The following RGS13 variants were observed in gnomAD, a reference collection of about 807,000 sequenced individuals.
The protein encoded by RGS13 is regulator of G protein signaling 13, also known as regulator of G-protein signalling 13.
In RGS13, 14 loss-of-function variants were observed where a neutral mutation model predicts 19.9. That is an observed-to-expected ratio of 0.70 (90% CI 0.46 to 1.10). The LOEUF (loss-of-function observed/expected upper bound fraction) is 1.10, where lower values mean the gene tolerates loss of function less well. RGS13 is among the 50% of genes least tolerant of loss of function. The pLI, the probability that RGS13 is intolerant of heterozygous loss-of-function variation, is 0.00. For missense variants in RGS13, 205 were observed against 187.1 expected (o/e 1.10, Z -0.56); for synonymous variants, 60 against 56.8 (o/e 1.06, Z -0.25).
At chr1:192,659,231 C>A in intron 6 of RGS13, 107 bp from the exon 7 acceptor site, 1 of 669,528 alleles carries the variant, frequency 1.5e-6, no homozygotes, top group South Asian at 2.9e-5. Flanking sequence ...GAAAATTACC[C>A]TATTCCACTG....
intron 5 of RGS13, among the ~76,000 whole-genome samples, chr1:192,651,936 CT>C (rs1289254562): frequency 1.3e-5 from 2 of 152,032 alleles, no homozygotes; most frequent in African/African-American, 4.8e-5. Flanking sequence ...TGTTGAGTGT[CT>C]GTTTAAAATC....
At chr1:192,645,916 A>G (rs1663212728) in intron 4 of RGS13, 1 of 152,100 alleles carries the variant, frequency 6.6e-6, no homozygotes, top group African/African-American at 2.4e-5. Flanking sequence ...CTAACCCAAC[A>G]CATTGATGAC....
intron 3 of RGS13, among the ~76,000 whole-genome samples, chr1:192,642,595 G>A (rs1191913136): frequency 6.6e-6 from 1 of 151,766 alleles, no homozygotes; most frequent in East Asian, 1.9e-4. Context: ...GCAAAGTGTT[G>A]GGATTATAGG....
intron 6 of RGS13, 190 bp downstream of exon 6, chr1:192,658,557 C>T (rs1193906080): frequency 8.6e-6 from 4 of 464,758 alleles, no homozygotes; most frequent in South Asian, 1.1e-4. Context: ...TGTCACACAG[C>T]CATTAAGTGG....
At chr1:192,654,498 T>C (rs1269158261) in intron 5 of RGS13, among the ~76,000 whole-genome samples, 2 of 152,082 alleles carry the variant, frequency 1.3e-5, no homozygotes, top group African/African-American at 4.8e-5. Flanking sequence ...AGAATTTTAA[T>C]AAAACTGAAG....
intron 3 of RGS13, among the ~76,000 whole-genome samples, chr1:192,639,793 C>T (rs1379678323): frequency 6.6e-6 from 1 of 152,156 alleles, no homozygotes; most frequent in African/African-American, 2.4e-5. Flanking sequence ...GGCCCCAGAA[C>T]TATTTGAATA....
chr1:192,648,916 C>T (rs1020827320), intron 5 of RGS13, among the ~76,000 whole-genome samples: 6 of 152,102 alleles, frequency 3.9e-5, no homozygotes, highest in Non-Finnish European at 8.8e-5. Context: ...GCACTACCTG[C>T]TCTTTCTGAC....
chr1:192,647,878 A>G (rs1455888790), intron 4 of RGS13, 48 bp from the exon 5 acceptor site: 1 of 1,278,422 alleles, frequency 7.8e-7, no homozygotes, highest in Non-Finnish European at 1.1e-6. Flanking sequence ...TTCAACAAAA[A>G]CCTTGAGAAT....
intron 5 of RGS13, among the ~76,000 whole-genome samples, chr1:192,651,021 C>G (rs1449315754): frequency 6.6e-6 from 1 of 151,764 alleles, no homozygotes. Context: ...GGCTGTGAGA[C>G]CACTGAGAGG....
At chr1:192,655,387 T>C (rs1389585009) in intron 5 of RGS13, among the ~76,000 whole-genome samples, 1 of 152,158 alleles carries the variant, frequency 6.6e-6, no homozygotes, top group Non-Finnish European at 1.5e-5. Context: ...TTCACTTCTT[T>C]TTCATGATAC....
At chr1:192,656,119 T>C (rs1054872481) in intron 5 of RGS13, among the ~76,000 whole-genome samples, 5 of 152,046 alleles carry the variant, frequency 3.3e-5, no homozygotes, top group Non-Finnish European at 7.4e-5. Flanking sequence ...TAAACACAAA[T>C]TCAGAATACT....
chr1:192,657,991 T>G (rs568752219), intron 5 of RGS13, among the ~76,000 whole-genome samples: 18 of 152,266 alleles, frequency 1.2e-4, no homozygotes, highest in African/African-American at 4.3e-4. Context: ...ATGGATGACA[T>G]CATCAGTGAT....
chr1:192,636,889 G>T (rs1177141039), intron 1 of RGS13, among the ~76,000 whole-genome samples: 1 of 151,768 alleles, frequency 6.6e-6, no homozygotes, highest in Non-Finnish European at 1.5e-5. Context: ...GTCAACAAAA[G>T]CTCACTAAAA....
chr1:192,658,493 A>G (rs1400870610), intron 6 of RGS13, 126 bp downstream of exon 6: 10 of 820,350 alleles, frequency 1.2e-5, no homozygotes, highest in Non-Finnish European at 1.9e-5. Context: ...TAAATTCAGT[A>G]TTGCTAACCT....
intron 5 of RGS13, among the ~76,000 whole-genome samples, chr1:192,655,900 T>C (rs965451263): frequency 1.3e-5 from 2 of 151,872 alleles, no homozygotes; most frequent in African/African-American, 4.8e-5. Context: ...GACAGATAGA[T>C]AGACAAATAG....
intron 5 of RGS13, among the ~76,000 whole-genome samples, chr1:192,651,906 C>T (rs1213452205): frequency 6.6e-6 from 1 of 151,964 alleles, no homozygotes; most frequent in African/African-American, 2.4e-5. Context: ...CTATGGAAGG[C>T]TCATTGGTTG....
At chr1:192,653,102 G>A (rs1663371479) in intron 5 of RGS13, among the ~76,000 whole-genome samples, 3 of 151,914 alleles carry the variant, frequency 2.0e-5, no homozygotes, top group Admixed American at 1.3e-4. Context: ...AAAATAATAC[G>A]TAAAAGAGAA....
chr1:192,637,137 C>A (rs1165930594), intron 1 of RGS13, among the ~76,000 whole-genome samples: 1 of 151,832 alleles, frequency 6.6e-6, no homozygotes, highest in Admixed American at 6.6e-5. Flanking sequence ...GAATTAGATT[C>A]TATCGGTGAA....
At chr1:192,659,161 T>C (rs1663561516) in intron 6 of RGS13, 177 bp from the exon 7 acceptor site, 1 of 453,798 alleles carries the variant, frequency 2.2e-6, no homozygotes, top group Non-Finnish European at 3.8e-6. Context: ...GATATTTACT[T>C]TTAAAAGAGC....
Sources: gnomAD v4.1 joint callset for allele counts (sites outside exome capture counted in the v4.1 genomes callset) on GRCh38, gnomAD v4.1.1 for gene constraint, MANE v1.5 for transcripts, NCBI Gene and HGNC (gene_info 2026-07-23, HGNC 2026-07-21) for gene names.